Variants in PPP1CB observed in about 807,000 individuals in gnomAD.
The protein encoded by PPP1CB is protein phosphatase 1 catalytic subunit beta, also known as serine/threonine-protein phosphatase PP1-beta catalytic subunit.
A neutral mutation model predicts 43.7 loss-of-function variants in PPP1CB; 2 were observed. That is an observed-to-expected ratio of 0.05 (90% CI 0.02 to 0.14). The LOEUF is 0.14. Among genes scored for constraint, PPP1CB ranks in the 10% least tolerant of loss-of-function variants. PPP1CB has a pLI of 1.00. For synonymous variants in PPP1CB, 136 were observed against 135.6 expected, an observed-to-expected ratio of 1.00 and a Z score of -0.02; for missense variants, 84 against 398.0, an observed-to-expected ratio of 0.21 and a Z score of 6.71.
intron 5 of PPP1CB, among the ~76,000 whole-genome samples, chr2:28,787,764 C>T (rs1237279064): frequency 6.6e-6 from 1 of 152,192 alleles, no homozygotes; most frequent in African/African-American, 2.4e-5. Flanking sequence ...ACCTAATGTT[C>T]ATTCTCCCTC....
chr2:28,774,525 A>G (rs374550866), intron 1 of PPP1CB, among the ~76,000 whole-genome samples: 1 of 152,046 alleles, frequency 6.6e-6, no homozygotes, highest in East Asian at 1.9e-4. Context: ...TCCTGGGTTC[A>G]AGGAGTTCTC....
rs941524581 is a variant in PPP1CB, at chr2:28,779,635, A to G, written c.415+596A>G. Among the ~76,000 whole-genome samples, 10 of 152,302 alleles carry G rather than the reference A, an allele frequency of 6.6e-5. 1 individual carries two copies. The East Asian group carries it at 1.9e-3, about 29-fold the overall frequency. On this transcript the variant is annotated intron_variant, in intron 3 of 7. Transcript: ENST00000395366. ...GGTTCAAATATGGTCTTTTGGTTTT[A>G]TTAGAATACGGGAGTAAGTATTTAT...
rs930395351 is a variant in PPP1CB at position 28,800,332 on chromosome 2, C to A, written c.*1029C>A. The A allele has an allele frequency of 3.6e-5, 5 of 140,706 alleles. No homozygotes were observed. Among genetic ancestry groups the A allele is most frequent in the Admixed American group, 1.6e-4 (2 of 12,576 alleles). The allele number at this position is 140,706 out of a possible 1,614,324, so 8.7% of individuals were successfully genotyped here. Reference sequence around the variant, plus strand: ...GGAAAGCTGACACTGTCTCTTTTTCCTCCCTCTATACGAAGGATGTATTTA... The same window carrying A: ...GGAAAGCTGACACTGTCTCTTTTTCATCCCTCTATACGAAGGATGTATTTA... On this transcript the variant is annotated 3_prime_UTR_variant, in exon 8 of 8. Coordinates refer to ENST00000395366, the MANE Select transcript of PPP1CB (RefSeq NM_002709.3).
chr2:28,763,500 C>G (rs946398501), intron 1 of PPP1CB, among the ~76,000 whole-genome samples: 3 of 151,226 alleles, frequency 2.0e-5, no homozygotes, highest in Admixed American at 6.6e-5. Flanking sequence ...TCACCTATAT[C>G]TGTCACTTTT....
intron 7 of PPP1CB, among the ~76,000 whole-genome samples, chr2:28,796,189 GT>G (rs928020262): frequency 1.9e-5 from 2 of 103,032 alleles, no homozygotes; most frequent in African/African-American, 3.7e-5. Context: ...TTTGGTTACT[GT>G]AAGCCTTATA....
intron 1 of PPP1CB, among the ~76,000 whole-genome samples, chr2:28,770,814 T>TA (rs1364058611): frequency 1.3e-5 from 2 of 152,090 alleles, no homozygotes; most frequent in Non-Finnish European, 2.9e-5. Context: ...TTTACTAAAA[T>TA]ATACCATATG....
chr2:28,774,195 A>G (rs928467118), intron 1 of PPP1CB, among the ~76,000 whole-genome samples: 15 of 152,236 alleles, frequency 9.9e-5, no homozygotes, highest in African/African-American at 3.4e-4. Context: ...TGTCATTTGA[A>G]TATTTTAAAT....
At position 28,756,497 on chromosome 2, in the gene PPP1CB, A is replaced by G. The variant is rs561417380; in HGVS notation, c.52+4321A>G. On this transcript the variant is annotated intron_variant, in intron 1 of 7. Transcript: ENST00000395366. ...TCTTAAGATTTAGTTAGGCTGACAGACTACACTTTTAACTTTTCCTATTCA... is the reference window on the plus strand; with the variant it reads ...TCTTAAGATTTAGTTAGGCTGACAGGCTACACTTTTAACTTTTCCTATTCA... 3.3e-5 allele frequency among the ~76,000 whole-genome samples: 5 copies of G among 152,264 alleles called. No individual in the cohort carries two copies. In the South Asian group the frequency reaches 8.3e-4, roughly 25 times the overall value.
At chr2:28,791,555 C>A (rs1667385546) in intron 6 of PPP1CB, among the ~76,000 whole-genome samples, 1 of 152,092 alleles carries the variant, frequency 6.6e-6, no homozygotes, top group Non-Finnish European at 1.5e-5. Context: ...GTCTCGAACT[C>A]CTGACCTCGT....
At chr2:28,787,040 G>A (rs1050149309) in intron 5 of PPP1CB, among the ~76,000 whole-genome samples, 19 of 152,140 alleles carry the variant, frequency 1.2e-4, no homozygotes, top group African/African-American at 4.3e-4. Context: ...TCTACAAATG[G>A]TTTTATAATG....
At chr2:28,776,753 G>A (rs1667053090) in intron 1 of PPP1CB, 98 bp from the exon 2 acceptor site, 3 of 1,150,854 alleles carry the variant, frequency 2.6e-6, no homozygotes, top group Non-Finnish European at 3.7e-6. Flanking sequence ...TGCTGCCTGT[G>A]TGACTTTTCT....
At chr2:28,795,193 C>T (rs576120475) in intron 7 of PPP1CB, among the ~76,000 whole-genome samples, 7 of 152,214 alleles carry the variant, frequency 4.6e-5, no homozygotes, top group South Asian at 2.1e-4. Context: ...ATTTTATGGT[C>T]GCATAGTATT....
Position 28,787,516 on chromosome 2 carries a change from C to T in PPP1CB, c.593-1142C>T, listed in dbSNP as rs185181615. Among the ~76,000 whole-genome samples, 19 of 152,298 alleles carry T rather than the reference C, an allele frequency of 1.2e-4. No homozygotes were observed. In the South Asian group the frequency reaches 2.3e-3, roughly 18 times the overall value. ...TGCAATTCTTAGAAAATCACCATCA[C>T]CATCTCAACATCCACCCTTCTTTTA... On this transcript the variant is annotated intron_variant, in intron 5 of 7. Coordinates refer to ENST00000395366, the MANE Select transcript of PPP1CB (RefSeq NM_002709.3).
chr2:28,756,636 A>AC (rs1197288039), intron 1 of PPP1CB, among the ~76,000 whole-genome samples: 1 of 152,014 alleles, frequency 6.6e-6, no homozygotes, highest in African/African-American at 2.4e-5. Context: ...GGCACATGAC[A>AC]CCTTGGCTGG....
chr2:28,756,770 G>A (rs536703839), intron 1 of PPP1CB, among the ~76,000 whole-genome samples: 3 of 151,862 alleles, frequency 2.0e-5, no homozygotes, highest in African/African-American at 4.8e-5. Flanking sequence ...TTACAGGTGC[G>A]AGGTGCTGCG....
chr2:28,754,988 C>T (rs1386746937), intron 1 of PPP1CB, among the ~76,000 whole-genome samples: 8 of 152,146 alleles, frequency 5.3e-5, no homozygotes. Flanking sequence ...CTGGTGACTA[C>T]ATTTTATGAG....
intron 1 of PPP1CB, among the ~76,000 whole-genome samples, chr2:28,765,296 A>C (rs187638311): frequency 2.8e-4 from 42 of 152,352 alleles, no homozygotes; most frequent in Non-Finnish European, 5.4e-4. Flanking sequence ...GCTGATCTGT[A>C]GTGAGATTCT....
Position 28,788,692 on chromosome 2 carries a change from T to C in PPP1CB, c.627T>C (p.Asp209=). 1 of 1,614,028 alleles carries C rather than the reference T, an allele frequency of 6.2e-7. No individual in the cohort carries two copies. Among genetic ancestry groups the C allele is most frequent in the Non-Finnish European group, 8.5e-7 (1 of 1,179,952 alleles). The part of the protein sequence containing the change: ...LLCDLLWSDP[D]KDVQGWGEND... The stretch of plus-strand genomic sequence containing the variant: ...GTGATTTGCTATGGTCTGATCCAGA[T>C]AAGGATGTGCAAGGCTGGGGAGAAA... Residue 209 remains aspartate, a synonymous_variant, in exon 6 of 8, where the codon GAT becomes GAC. Transcript: ENST00000395366.
chr2:28,766,422 A>G (rs1666778134), intron 1 of PPP1CB, among the ~76,000 whole-genome samples: 1 of 152,248 alleles, frequency 6.6e-6, no homozygotes, highest in Non-Finnish European at 1.5e-5. Flanking sequence ...CAGACTTCAA[A>G]CATCCTACAT....
Sources: allele counts gnomAD v4.1 joint callset (sites outside exome capture counted in the v4.1 genomes callset), GRCh38; gene constraint gnomAD v4.1.1; transcripts MANE v1.5; gene names NCBI Gene and HGNC (gene_info 2026-07-23, HGNC 2026-07-21).